NCALD: variants seen among roughly 807,000 people sequenced by gnomAD.
NCALD encodes the protein neurocalcin delta, also known as neurocalcin-delta.
Under a neutral mutation model 18.6 loss-of-function variants are expected in NCALD, and 10 were observed. The observed-to-expected ratio is 0.54, with a 90% CI of 0.33 to 0.91. NCALD has a LOEUF of 0.91. Ranked by LOEUF, NCALD falls within the 40% of genes least tolerant of loss-of-function variation. The probability of loss-of-function intolerance (pLI) is 0.03; values close to 1 mark genes in which losing one functional copy is unlikely to be tolerated. For missense variants in NCALD, 184 were observed against 247.6 expected, an observed-to-expected ratio of 0.74 and a Z score of 1.72; for synonymous variants, 88 against 87.4, an observed-to-expected ratio of 1.01 and a Z score of -0.04.
At chr8:101,905,465 T>G (rs567835032) in intron 3 of NCALD, among the ~76,000 whole-genome samples, 5 of 152,280 alleles carry the variant, frequency 3.3e-5, no homozygotes, top group Non-Finnish European at 4.4e-5. Context: ...GGTTTTACCC[T>G]AACCAACATT....
chr8:101,937,257 G>A (rs956851722), intron 2 of NCALD, among the ~76,000 whole-genome samples: 1 of 152,040 alleles, frequency 6.6e-6, no homozygotes, highest in Non-Finnish European at 1.5e-5. Flanking sequence ...TCATGTCATG[G>A]GGGTTTGTTG....
chr8:101,716,414 C>T (rs1053803240), intron 2 of NCALD, among the ~76,000 whole-genome samples: 3 of 151,956 alleles, frequency 2.0e-5, no homozygotes, highest in Non-Finnish European at 4.4e-5. Flanking sequence ...CACATGTATA[C>T]CTATGTAACA....
intron 1 of NCALD, among the ~76,000 whole-genome samples, chr8:102,031,042 A>G (rs1389156543): frequency 6.6e-6 from 1 of 152,156 alleles, no homozygotes; most frequent in Non-Finnish European, 1.5e-5. Context: ...TGTTAATATT[A>G]CAAAAAGACA....
At chr8:101,954,387 T>C (rs1051004046) in intron 2 of NCALD, among the ~76,000 whole-genome samples, 1 of 152,170 alleles carries the variant, frequency 6.6e-6, no homozygotes, top group Non-Finnish European at 1.5e-5. Flanking sequence ...GAGGCCCTCC[T>C]CATTTCCCCT....
intron 1 of NCALD, among the ~76,000 whole-genome samples, chr8:102,112,039 T>G (rs763333192): frequency 1.3e-5 from 2 of 152,246 alleles, no homozygotes; most frequent in Non-Finnish European, 2.9e-5. Context: ...TTGAAATGTT[T>G]ATAAAAACAA....
chr8:102,117,698 G>A (rs1347186658), intron 1 of NCALD, among the ~76,000 whole-genome samples: 3 of 151,704 alleles, frequency 2.0e-5, no homozygotes, highest in African/African-American at 4.8e-5. Flanking sequence ...TCAAGTATAT[G>A]GAAAATATTC....
intron 1 of NCALD, among the ~76,000 whole-genome samples, chr8:101,765,130 A>T (rs753128355): frequency 1.6e-4 from 25 of 152,222 alleles, no homozygotes; most frequent in Non-Finnish European, 2.8e-4. Flanking sequence ...TGTATAATAC[A>T]GTTATCCTAA....
Position 101,689,730 on chromosome 8 carries a change from G to T in NCALD, c.485-324C>A, listed in dbSNP as rs76265230. ...ATGCTGACTTGGTCCCTGACCTCCT[G>T]GCTCCAGGCGCCCTGGAGAGGCTCA... On this transcript the variant is annotated intron_variant, in intron 3 of 3. Transcript: ENST00000220931. This position sits in a 1 kb window ranked among gnomAD's most constrained non-coding sequence, Gnocchi z 4.4. Among the ~76,000 whole-genome samples the T allele has an allele frequency of 0.028, 4,212 of 152,300 alleles. 122 individuals are homozygous for T. Among genetic ancestry groups the T allele is most frequent in the East Asian group, 0.11 (579 of 5,168 alleles).
In NCALD at chr8:101,796,475, C is replaced by T. The variant is rs73275549; in HGVS notation, c.-19-76827G>A. 6.4e-3 allele frequency among the ~76,000 whole-genome samples: 967 copies of T among 151,878 alleles called. 10 individuals are homozygous for T. The highest frequency in any genetic ancestry group is 0.022 in the African/African-American group (895 of 41,374). ...TATATGGCAAACTGGAGAATCCTCA[C>T]GCAAAAATGAAATTTTAAAAAAGGA... On this transcript the variant is annotated intron_variant, in intron 4 of 6. Transcript: ENST00000311028.
chr8:101,948,542 G>T (rs1478444131), intron 2 of NCALD, among the ~76,000 whole-genome samples: 2 of 152,228 alleles, frequency 1.3e-5, no homozygotes, highest in African/African-American at 2.4e-5. Flanking sequence ...GGACACAGAT[G>T]TGGAAGTCAT....
At chr8:101,846,089 A>C (rs758294685) in intron 4 of NCALD, among the ~76,000 whole-genome samples, 2 of 152,208 alleles carry the variant, frequency 1.3e-5, no homozygotes, top group Non-Finnish European at 2.9e-5. Flanking sequence ...AGAACACTTA[A>C]GTTGATTCCA....
intron 1 of NCALD, among the ~76,000 whole-genome samples, chr8:101,738,552 C>CAAA (rs34205453): frequency 1.3e-4 from 17 of 127,904 alleles, no homozygotes; most frequent in East Asian, 2.3e-4. Context: ...CTCAAAAAAA[C>CAAA]AAAAAAAAAA....
chr8:102,071,018 AAC>A (rs2132294066), intron 1 of NCALD, among the ~76,000 whole-genome samples: 1 of 152,274 alleles, frequency 6.6e-6, no homozygotes, highest in East Asian at 1.9e-4. Flanking sequence ...TTTCTACACC[AAC>A]AGAAGCTTGG....
chr8:101,719,711 A>G, intron 1 of NCALD, 63 bp from the exon 2 acceptor site: 4 of 1,409,140 alleles, frequency 2.8e-6, no homozygotes, highest in Admixed American at 2.4e-5. Context: ...GCATTTTATA[A>G]TTTGTAATTG....
chr8:101,963,667 A>G (rs753213434), intron 2 of NCALD, among the ~76,000 whole-genome samples: 28 of 152,174 alleles, frequency 1.8e-4, no homozygotes, highest in Non-Finnish European at 3.4e-4. Flanking sequence ...ATAAATATCC[A>G]ATTTTTATAC....
chr8:101,736,322 T>C (rs1017652714), intron 1 of NCALD, among the ~76,000 whole-genome samples: 2 of 152,178 alleles, frequency 1.3e-5, no homozygotes, highest in Admixed American at 6.5e-5. Flanking sequence ...GTCCATTCTG[T>C]CTAAAGAGTG....
intron 1 of NCALD, among the ~76,000 whole-genome samples, chr8:101,735,519 T>C (rs1817038360): frequency 6.6e-6 from 1 of 152,206 alleles, no homozygotes; most frequent in Non-Finnish European, 1.5e-5. Flanking sequence ...AAAGTTGTCA[T>C]ATAAAAATGC....
intron 1 of NCALD, among the ~76,000 whole-genome samples, chr8:102,106,487 A>T (rs1825459241): frequency 6.6e-6 from 1 of 151,384 alleles, no homozygotes; most frequent in South Asian, 2.1e-4. Flanking sequence ...ACACACACAC[A>T]CACATATACT....
At position 102,068,407 on chromosome 8, in the gene NCALD, G is replaced by A. The variant is rs537299466; in HGVS notation, c.-209-48118C>T. Reference sequence around the variant, plus strand: ...CTCTGGCCTCTCTCCTGTTTCTTGCGTAGGCCACGCTCTATCCCACCTCAC... The same window carrying A: ...CTCTGGCCTCTCTCCTGTTTCTTGCATAGGCCACGCTCTATCCCACCTCAC... On this transcript the variant is annotated intron_variant, in intron 1 of 6. Transcript: ENST00000311028. Among the ~76,000 whole-genome samples the A allele has an allele frequency of 4.6e-5, 7 of 152,150 alleles. No individual in the cohort carries two copies. The East Asian group carries it at 7.7e-4, about 17-fold the overall frequency.
Sources: gnomAD v4.1 joint callset for allele counts (sites outside exome capture counted in the v4.1 genomes callset) on GRCh38, gnomAD v4.1.1 for gene constraint, Gnocchi (gnomAD v3.1) non-coding constraint, MANE v1.5 for transcripts, NCBI Gene and HGNC (gene_info 2026-07-23, HGNC 2026-07-21) for gene names.